OSR2: variants seen among roughly 807,000 people sequenced by gnomAD.
The protein encoded by OSR2 is odd-skipped related transciption factor 2.
In OSR2, 8 loss-of-function variants were observed where a neutral mutation model predicts 22.3. That is an observed-to-expected ratio of 0.36 (90% confidence interval 0.21 to 0.65). The LOEUF (loss-of-function observed/expected upper bound fraction) is 0.65, where lower values mean the gene tolerates loss of function less well. Ranked by LOEUF, OSR2 falls within the 30% of genes least tolerant of loss-of-function variation. The pLI, the probability that OSR2 is intolerant of heterozygous loss-of-function variation, is 0.66. For missense variants in OSR2, 311 were observed against 413.4 expected (o/e 0.75, Z 2.15); for synonymous variants, 179 against 173.8 (o/e 1.03, Z -0.23).
Position 98,948,336 on chromosome 8 carries a change from C to T in OSR2, c.-114-503C>T, listed in dbSNP as rs1185113662. On this transcript the variant is annotated intron_variant, in intron 1 of 3. Coordinates refer to ENST00000297565, the MANE Select transcript of OSR2 (RefSeq NM_001142462.3). The surrounding 1 kb of genome is among the most constrained non-coding windows in gnomAD (Gnocchi z 6.0). ...AAGCGCGGGAAAGGCGGCCACAGGG[C>T]GCGGCGGCAGCGCAGCGCGTGGGAT... 4 of 1,522,976 alleles carry T rather than the reference C, an allele frequency of 2.6e-6. No homozygotes were observed. The highest frequency in any genetic ancestry group is 1.7e-4 in the Middle Eastern group (1 of 5,952). The allele number at this position is 1,522,976 out of a possible 1,614,324, so 94.3% of individuals were successfully genotyped here.
intron 3 of OSR2, 129 bp downstream of exon 3, chr8:98,950,884 A>G (rs1840763718): frequency 1.4e-6 from 1 of 698,926 alleles, no homozygotes; most frequent in South Asian, 1.6e-5. Flanking sequence ...GGTGGGGAAA[A>G]GCAACACTTG....
Position 98,948,501 on chromosome 8 carries a change from G to C in OSR2, c.-114-338G>C. ...GGCTTGGGGAGGGTGGGCTGGGCTG[G>C]GCTGGGCTGGGCTGGGTGCTGCCCG... is the stretch of plus-strand genomic sequence containing the variant. On this transcript the variant is annotated intron_variant, in intron 1 of 3. Transcript: ENST00000297565. This position sits in a 1 kb window ranked among gnomAD's most constrained non-coding sequence, Gnocchi z 6.0. 8.4e-7 allele frequency: 1 copy of C among 1,196,642 alleles called. No individual in the cohort carries two copies. The highest frequency in any genetic ancestry group is 2.8e-5 in the East Asian group (1 of 35,404). The allele number at this position is 1,196,642 out of a possible 1,614,324, so 74.1% of individuals were successfully genotyped here. A position where few individuals can be genotyped will look rare whatever the true frequency, so the allele number is the denominator to read the frequency against.
chr8:98,949,405 T>G lies in OSR2; in HGVS notation c.453T>G (p.Ser151Arg), dbSNP rs1207156340. 1.9e-6 allele frequency: 3 copies of G among 1,613,792 alleles called. No homozygotes were observed. The highest frequency in any genetic ancestry group is 2.5e-6 in the Non-Finnish European group (3 of 1,179,834). ...PGLGSPISGL[S>R]KLTPDRKPSR... The stretch of plus-strand genomic sequence containing the variant: ...TGGGTAGCCCCATCTCGGGCCTCAG[T>G]AAATTGACTCCGGACAGAAAGCCCT... The change falls in exon 2 of 4, where the codon AGT becomes AGG. Residue 151 changes from serine to arginine, a missense_variant. Coordinates refer to ENST00000297565, the MANE Select transcript of OSR2 (RefSeq NM_001142462.3). This position sits in a 1 kb window ranked among gnomAD's most constrained non-coding sequence, Gnocchi z 5.9.
At position 98,951,686 on chromosome 8, in the gene OSR2, G is replaced by A. The variant is rs1370814963; in HGVS notation, c.924G>A (p.Pro308=). Residue 308 remains proline (P), a synonymous_variant, in exon 4 of 4, where the codon CCG becomes CCA. Coordinates refer to ENST00000297565, the MANE Select transcript of OSR2 (RefSeq NM_001142462.3). ...DLRRHSLTHT[P]RQDF is the part of the protein sequence containing the mutation. ...GGCGGCACAGCCTGACTCACACCCC[G>A]CGGCAGGACTTCTAGAGAAGCCCAG... is the stretch of plus-strand genomic sequence containing the variant. The A allele has an allele frequency of 9.3e-6, 15 of 1,613,106 alleles. No individual in the cohort carries two copies. The Admixed American group carries it at 1.2e-4, about 13-fold the overall frequency.
rs1475276835 is a variant in OSR2, at chr8:98,949,411, G to A, written c.459G>A (p.Leu153=). ...LGSPISGLSK[L]TPDRKPSRGR... ...GCCCCATCTCGGGCCTCAGTAAATTGACTCCGGACAGAAAGCCCTCTCGAG... is the reference window on the plus strand; with the variant it reads ...GCCCCATCTCGGGCCTCAGTAAATTAACTCCGGACAGAAAGCCCTCTCGAG... The change falls in exon 2 of 4, where the codon TTG becomes TTA. Residue 153 remains leucine, a synonymous_variant. Transcript: ENST00000297565. The surrounding 1 kb of genome is among the most constrained non-coding windows in gnomAD (Gnocchi z 5.9). The A allele has an allele frequency of 1.2e-6, 2 of 1,613,980 alleles. No individual in the cohort carries two copies. The highest frequency in any genetic ancestry group is 2.2e-5 in the South Asian group (2 of 91,074).
rs1840728191 is a variant in OSR2, at chr8:98,949,751, C to G, written c.656+143C>G. On this transcript the variant is annotated intron_variant, in intron 2 of 3. Coordinates refer to ENST00000297565, the MANE Select transcript of OSR2 (RefSeq NM_001142462.3). The surrounding 1 kb of genome is among the most constrained non-coding windows in gnomAD (Gnocchi z 5.9). ...AGTCACGCTCCTCAGCCCGGTTCAG[C>G]TAATTCCCAACATCTACCCTTTCTT... The G allele has an allele frequency of 9.8e-7, 1 of 1,016,024 alleles. No individual in the cohort carries two copies. The highest frequency in any genetic ancestry group is 1.4e-6 in the Non-Finnish European group (1 of 705,974). 62.9% of individuals were successfully genotyped at this position (1,016,024 alleles called of 1,614,324 possible).
Position 98,948,023 on chromosome 8 carries a change from AC to A in OSR2, c.-114-812del. The A allele has an allele frequency of 1.0e-6, 1 of 958,894 alleles. No individual in the cohort carries two copies. Among genetic ancestry groups the A allele is most frequent in the South Asian group, 3.8e-5 (1 of 26,416 alleles). The allele number at this position is 958,894 out of a possible 1,614,324, so 59.4% of individuals were successfully genotyped here. A position where few individuals can be genotyped will look rare whatever the true frequency, so the allele number is the denominator to read the frequency against. The stretch of plus-strand genomic sequence containing the variant: ...GGCCTCAGGGACGTTCTCCGCCCCC[AC>A]CCCACCCCCTGGGAGCCTGAACCAT... On this transcript the variant is annotated intron_variant, in intron 1 of 3. Coordinates refer to ENST00000297565, the MANE Select transcript of OSR2 (RefSeq NM_001142462.3). This position sits in a 1 kb window ranked among gnomAD's most constrained non-coding sequence, Gnocchi z 6.0.
At position 98,948,088 on chromosome 8, in the gene OSR2, G is replaced by A. The variant is rs1385015498; in HGVS notation, c.-114-751G>A. 7 of 1,338,148 alleles carry A rather than the reference G, an allele frequency of 5.2e-6. No homozygotes were observed. The African/African-American group carries it at 9.1e-5, about 17-fold the overall frequency. The allele number at this position is 1,338,148 out of a possible 1,614,324, so 82.9% of individuals were successfully genotyped here. A position where few individuals can be genotyped will look rare whatever the true frequency, so the allele number is the denominator to read the frequency against. ...TAGTCGGGGGTTGGGAGGAGAGCCC[G>A]TGGATAGGAGGAGGGGGCGATTCTA... On this transcript the variant is annotated intron_variant, in intron 1 of 3. Coordinates refer to ENST00000297565, the MANE Select transcript of OSR2 (RefSeq NM_001142462.3). The surrounding 1 kb of genome is among the most constrained non-coding windows in gnomAD (Gnocchi z 6.0).
chr8:98,951,446 A>C, intron 3 of OSR2, 73 bp from the exon 4 acceptor site: 1 of 1,390,840 alleles, frequency 7.2e-7, no homozygotes, highest in Non-Finnish European at 9.8e-7. Context: ...GATAACGATA[A>C]GACAGAAACT....
intron 1 of OSR2, chr8:98,946,141 A>G (rs1840607518): frequency 6.6e-6 from 1 of 152,264 alleles, no homozygotes. Context: ...AAGACTGATG[A>G]AAGAAAAGTA....
intron 2 of OSR2, among the ~76,000 whole-genome samples, chr8:98,950,396 G>A (rs1048907000): frequency 6.6e-6 from 1 of 152,218 alleles, no homozygotes; most frequent in Admixed American, 6.5e-5. Flanking sequence ...AGAAAGGCCC[G>A]TTCAGCGGGG....
chr8:98,949,614 G>A lies in OSR2; in HGVS notation c.656+6G>A, dbSNP rs370918198. ...GATCACCTGCGGGATCACAGGTGAGGCGGGCAAGGAGGATGGCTGGGAGAG... is the reference window on the plus strand; with the variant it reads ...GATCACCTGCGGGATCACAGGTGAGACGGGCAAGGAGGATGGCTGGGAGAG... On this transcript the variant is annotated splice_donor_region_variant and intron_variant, in intron 2 of 3. Transcript: ENST00000297565. The surrounding 1 kb of genome is among the most constrained non-coding windows in gnomAD (Gnocchi z 5.9). 1,239 of 1,604,776 alleles carry A rather than the reference G, an allele frequency of 7.7e-4. 3 individuals are homozygous for A. Among genetic ancestry groups the A allele is most frequent in the Non-Finnish European group, 9.0e-4 (1,051 of 1,174,038 alleles).
intron 1 of OSR2, among the ~76,000 whole-genome samples, 157 bp downstream of exon 1, chr8:98,944,980 C>T (rs1840561950): frequency 6.6e-6 from 1 of 152,194 alleles, no homozygotes; most frequent in African/African-American, 2.4e-5. Flanking sequence ...TTCTCACTTC[C>T]TTGGGTCCCT....
Position 98,949,955 on chromosome 8 carries a change from G to A in OSR2, c.656+347G>A, listed in dbSNP as rs1019800282. On this transcript the variant is annotated intron_variant, in intron 2 of 3. Transcript: ENST00000297565. This position sits in a 1 kb window ranked among gnomAD's most constrained non-coding sequence, Gnocchi z 5.9. ...TGGGGTGCCGGTCCTGGCTGCAGTC[G>A]GGCTACTTCTGTTGGGTTTCGTCCC... is the stretch of plus-strand genomic sequence containing the variant. Among the ~76,000 whole-genome samples, 1 of 151,982 alleles carries A rather than the reference G, an allele frequency of 6.6e-6. No homozygotes were observed. The highest frequency in any genetic ancestry group is 2.4e-5 in the African/African-American group (1 of 41,362).
chr8:98,951,761 C>G lies in OSR2; in HGVS notation c.*60C>G. Reference sequence around the variant, plus strand: ...CCCCTCCCCAGACACCTCTCCACGTCTCCTACCCAGGGGGTCGCATCCCTA... The same window carrying G: ...CCCCTCCCCAGACACCTCTCCACGTGTCCTACCCAGGGGGTCGCATCCCTA... On this transcript the variant is annotated 3_prime_UTR_variant, in exon 4 of 4. Transcript: ENST00000297565. 5 of 1,528,164 alleles carry G rather than the reference C, an allele frequency of 3.3e-6. No homozygotes were observed. Among genetic ancestry groups the G allele is most frequent in the Non-Finnish European group, 4.4e-6 (5 of 1,134,198 alleles). 94.7% of individuals were successfully genotyped at this position (1,528,164 alleles called of 1,614,324 possible). A position where few individuals can be genotyped will look rare whatever the true frequency, so the allele number is the denominator to read the frequency against.
At chr8:98,945,973 A>G (rs1262063227) in intron 1 of OSR2, 1 of 152,252 alleles carries the variant, frequency 6.6e-6, no homozygotes, top group Non-Finnish European at 1.5e-5. Flanking sequence ...TACCATTACC[A>G]AAGAGCGAAA....
chr8:98,951,660 C>T lies in OSR2; in HGVS notation c.898C>T (p.Arg300Trp), dbSNP rs1056541660. The T allele has an allele frequency of 3.1e-6, 5 of 1,613,712 alleles. No individual in the cohort carries two copies. The highest frequency in any genetic ancestry group is 2.7e-5 in the African/African-American group (2 of 74,918). ...GKVFRRNCDL[R>W]RHSLTHTPRQ... ...AGTGTTCAGGCGAAACTGTGATCTG[C>T]GGCGGCACAGCCTGACTCACACCCC... The change falls in exon 4 of 4, where the codon CGG (arginine) becomes TGG (tryptophan). Residue 300 changes from arginine to tryptophan, a missense_variant. Physicochemically the swap from Arg to Trp is moderately radical, Grantham distance 101. Coordinates refer to ENST00000297565, the MANE Select transcript of OSR2 (RefSeq NM_001142462.3).
In OSR2 at chr8:98,948,629, G is replaced by T. The variant is rs1840682032; in HGVS notation, c.-114-210G>T. ...TCCTTTGGGCACGCGCTCGCCAGTG[G>T]AGCACTTCTTGTTCTGGCCCCGGGC... On this transcript the variant is annotated intron_variant, in intron 1 of 3. Transcript: ENST00000297565. The surrounding 1 kb of genome is among the most constrained non-coding windows in gnomAD (Gnocchi z 6.0). The T allele has an allele frequency of 2.1e-6, 2 of 969,402 alleles. No homozygotes were observed. The highest frequency in any genetic ancestry group is 3.0e-6 in the Non-Finnish European group (2 of 677,886). The allele number at this position is 969,402 out of a possible 1,614,324, so 60.1% of individuals were successfully genotyped here. A position where few individuals can be genotyped will look rare whatever the true frequency, so the allele number is the denominator to read the frequency against.
At chr8:98,945,810 C>T (rs1840597372) in intron 1 of OSR2, among the ~76,000 whole-genome samples, 1 of 152,112 alleles carries the variant, frequency 6.6e-6, no homozygotes. Context: ...TAGTCTATAG[C>T]TCTCTAATTT....
Sources: allele counts gnomAD v4.1 joint callset (sites outside exome capture counted in the v4.1 genomes callset), GRCh38; gene constraint gnomAD v4.1.1; non-coding constraint Gnocchi (gnomAD v3.1); transcripts MANE v1.5; gene names NCBI Gene and HGNC (gene_info 2026-07-23, HGNC 2026-07-21).